MRAP2: variants seen among roughly 807,000 people sequenced by gnomAD.
The protein encoded by MRAP2 is melanocortin 2 receptor accessory protein 2.
A neutral mutation model predicts 17.4 loss-of-function variants in MRAP2; 20 were observed. The observed-to-expected ratio is 1.15, with a 90% CI of 0.81 to 1.67. The LOEUF is 1.67. Among genes scored for constraint, MRAP2 ranks in the 40% most tolerant of loss-of-function variants. MRAP2 has a pLI of 0.00. For synonymous variants in MRAP2, 96 were observed against 88.4 expected, an observed-to-expected ratio of 1.09 and a Z score of -0.48; for missense variants, 238 against 240.0, an observed-to-expected ratio of 0.99 and a Z score of 0.05.
chr6:84,091,045 T>A (rs971144803), downstream of MRAP2, among the ~76,000 whole-genome samples: 11 of 152,172 alleles, frequency 7.2e-5, no homozygotes, highest in Non-Finnish European at 1.2e-4. Flanking sequence ...TAGGGATTAT[T>A]TCGCTAAAAG....
the MRAP2 span, among the ~76,000 whole-genome samples, chr6:84,112,986 G>C: frequency 6.6e-6 from 1 of 151,962 alleles, no homozygotes; most frequent in East Asian, 1.9e-4. Flanking sequence ...TCTGTTTTTT[G>C]CATTTGCTGA....
chr6:84,061,924 C>A (rs1216114182), intron 2 of MRAP2: 2 of 985,242 alleles, frequency 2.0e-6, no homozygotes, highest in Non-Finnish European at 2.4e-6. Context: ...CATGAAAGAG[C>A]AATATCATCA....
At chr6:84,062,066 T>G (rs2099493309) in intron 2 of MRAP2, 1 of 985,424 alleles carries the variant, frequency 1.0e-6, no homozygotes, top group East Asian at 1.1e-4. Flanking sequence ...ATGGTGAACG[T>G]AAGTGAGAAT....
intron 3 of MRAP2, among the ~76,000 whole-genome samples, chr6:84,072,500 G>A (rs761931984): frequency 6.6e-4 from 101 of 152,348 alleles, no homozygotes; most frequent in Non-Finnish European, 7.9e-4. Flanking sequence ...AATGGACTCC[G>A]TGAGGGTTTT....
the MRAP2 span, among the ~76,000 whole-genome samples, chr6:84,142,293 A>ATTCTT: frequency 2.0e-5 from 3 of 152,186 alleles, no homozygotes; most frequent in Non-Finnish European, 4.4e-5. Context: ...GCATTCAACT[A>ATTCTT]TTCTTTTACA....
downstream of MRAP2, among the ~76,000 whole-genome samples, chr6:84,095,752 T>C (rs989686564): frequency 2.0e-5 from 3 of 152,214 alleles, no homozygotes; most frequent in Non-Finnish European, 4.4e-5. Flanking sequence ...TTTAGATATA[T>C]TGAGAGAGGC....
chr6:84,057,603 G>A (rs1448853368), intron 2 of MRAP2, among the ~76,000 whole-genome samples: 6 of 152,076 alleles, frequency 3.9e-5, no homozygotes, highest in African/African-American at 1.2e-4. Context: ...CCAACAAAGT[G>A]GAAACCTATT....
At chr6:84,109,792 C>T in the MRAP2 span, among the ~76,000 whole-genome samples, 1 of 151,538 alleles carries the variant, frequency 6.6e-6, no homozygotes, top group East Asian at 1.9e-4. Context: ...TGATGTTCCC[C>T]TCCCTGTGTC....
chr6:84,110,060 A>T, the MRAP2 span, among the ~76,000 whole-genome samples: 1 of 152,190 alleles, frequency 6.6e-6, no homozygotes, highest in Non-Finnish European at 1.5e-5. Flanking sequence ...CGCAATAAAC[A>T]TACATGTGCA....
chr6:84,105,602 G>A, the MRAP2 span, among the ~76,000 whole-genome samples: 1 of 152,298 alleles, frequency 6.6e-6, no homozygotes, highest in African/African-American at 2.4e-5. Context: ...AACCATATCA[G>A]CATGGTAGTA....
At chr6:84,106,374 C>A in the MRAP2 span, among the ~76,000 whole-genome samples, 2 of 152,166 alleles carry the variant, frequency 1.3e-5, no homozygotes, top group African/African-American at 2.4e-5. Flanking sequence ...GGACAAAATG[C>A]TGCCCCTTCC....
chr6:84,077,877 A>G (rs2099498004), intron 3 of MRAP2, among the ~76,000 whole-genome samples: 1 of 152,202 alleles, frequency 6.6e-6, no homozygotes, highest in Non-Finnish European at 1.5e-5. Context: ...ACTTTCTGTG[A>G]TGATGGAAAT....
At chr6:84,050,849 T>C (rs1169503634) in intron 1 of MRAP2, among the ~76,000 whole-genome samples, 1 of 152,230 alleles carries the variant, frequency 6.6e-6, no homozygotes, top group African/African-American at 2.4e-5. Context: ...TTTGATCATC[T>C]GACTGGCCAT....
At chr6:84,134,915 T>C in the MRAP2 span, among the ~76,000 whole-genome samples, 4 of 73,992 alleles carry the variant, frequency 5.4e-5, no homozygotes, top group East Asian at 1.9e-3. Flanking sequence ...GAAAAGATCA[T>C]ATATACACAC....
chr6:84,034,527 C>G (rs61314806), intron 1 of MRAP2, among the ~76,000 whole-genome samples: 7,736 of 147,354 alleles, frequency 0.052, 681 homozygotes, highest in African/African-American at 0.18. Context: ...CCCCGTGCCC[C>G]GTGCCTTTCC....
the MRAP2 span, among the ~76,000 whole-genome samples, chr6:84,144,390 A>G: frequency 6.6e-6 from 1 of 152,198 alleles, no homozygotes; most frequent in East Asian, 1.9e-4. Flanking sequence ...TTAATGTTGT[A>G]TTGTCACAAA....
chr6:84,050,341 C>T (rs1177334787), intron 1 of MRAP2, among the ~76,000 whole-genome samples: 2 of 152,142 alleles, frequency 1.3e-5, no homozygotes, highest in Admixed American at 6.5e-5. Flanking sequence ...GACACTGTGG[C>T]AGCTTTGAGA....
chr6:84,128,900 T>C, the MRAP2 span, among the ~76,000 whole-genome samples: 1 of 151,712 alleles, frequency 6.6e-6, no homozygotes, highest in Non-Finnish European at 1.5e-5. Context: ...GTCACTGTGT[T>C]CTCATTGTTC....
intron 1 of MRAP2, among the ~76,000 whole-genome samples, chr6:84,043,588 C>T (rs985779085): frequency 2.6e-5 from 4 of 151,716 alleles, no homozygotes; most frequent in Admixed American, 2.0e-4. Context: ...TTTTTAATGA[C>T]CCTGTTGTTT....
Sources: allele counts gnomAD v4.1 joint callset (sites outside exome capture counted in the v4.1 genomes callset), GRCh38; gene constraint gnomAD v4.1.1; transcripts MANE v1.5; gene names NCBI Gene and HGNC (gene_info 2026-07-23, HGNC 2026-07-21).